The following STAG1 variants were observed in gnomAD, a reference collection of about 807,000 sequenced individuals.
The protein encoded by STAG1 is cohesin subunit SA-1.
Under a neutral mutation model 170.9 loss-of-function variants are expected in STAG1, and 26 were observed. The ratio of observed to expected loss-of-function variants is 0.15; its 90% CI spans 0.11 to 0.21. The LOEUF is 0.21. Among genes scored for constraint, STAG1 ranks in the 10% least tolerant of loss-of-function variants. STAG1 has a pLI of 1.00. For missense variants in STAG1, 964 were observed against 1,509.5 expected (o/e 0.64, Z 5.99); for synonymous variants, 514 against 497.7 (o/e 1.03, Z -0.44).
chr3:136,487,177 T>C (rs2090034961), intron 9 of STAG1, among the ~76,000 whole-genome samples: 1 of 152,086 alleles, frequency 6.6e-6, no homozygotes, highest in Admixed American at 6.6e-5. Context: ...CCCCTCTGTG[T>C]GTCCATGTGT....
intron 16 of STAG1, among the ~76,000 whole-genome samples, chr3:136,429,868 T>A (rs1365845986): frequency 6.6e-6 from 1 of 152,210 alleles, no homozygotes; most frequent in Non-Finnish European, 1.5e-5. Flanking sequence ...ATATATTTTC[T>A]CTTCCTTCTG....
intron 5 of STAG1, among the ~76,000 whole-genome samples, chr3:136,544,599 C>G (rs998743473): frequency 6.6e-6 from 1 of 151,816 alleles, no homozygotes; most frequent in Non-Finnish European, 1.5e-5. Context: ...ATCATCTCTA[C>G]TAAAAATACA....
intron 1 of STAG1, among the ~76,000 whole-genome samples, chr3:136,698,503 A>C (rs968486594): frequency 1.2e-4 from 19 of 152,220 alleles, no homozygotes; most frequent in Admixed American, 1.2e-3. Context: ...CAAACAGAGG[A>C]GCATGGATGT....
At chr3:136,523,786 G>C (rs935176849) in intron 6 of STAG1, among the ~76,000 whole-genome samples, 2 of 152,116 alleles carry the variant, frequency 1.3e-5, no homozygotes, top group African/African-American at 4.8e-5. Flanking sequence ...GTATAAGGAA[G>C]GGATCCAATT....
In STAG1 at chr3:136,338,141, T is replaced by G; in HGVS notation, c.*113A>C. The G allele has an allele frequency of 1.4e-6, 1 of 729,698 alleles. No homozygotes were observed. The highest frequency in any genetic ancestry group is 2.4e-6 in the Non-Finnish European group (1 of 424,556). The allele number at this position is 729,698 out of a possible 1,614,324, so 45.2% of individuals were successfully genotyped here. A position where few individuals can be genotyped will look rare whatever the true frequency, so the allele number is the denominator to read the frequency against. On this transcript the variant is annotated 3_prime_UTR_variant, in exon 34 of 34. Coordinates refer to ENST00000383202, the MANE Select transcript of STAG1 (RefSeq NM_005862.3). ...AAGGGATTGACCTTAATCATTTGAT[T>G]AAAAAACAAATCAGATCACATCAAA...
At chr3:136,472,354 T>C (rs2089648153) in intron 12 of STAG1, 59 bp downstream of exon 12, 4 of 1,279,016 alleles carry the variant, frequency 3.1e-6, no homozygotes, top group African/African-American at 1.5e-5. Context: ...ACATTAAAAA[T>C]CCTGGGGAAA....
In STAG1 at chr3:136,719,687, G is replaced by GTGGATGGATGGA. The variant is rs1217789868; in HGVS notation, c.-84+32496_-84+32507dup. On this transcript the variant is annotated intron_variant, in intron 1 of 33. Coordinates refer to ENST00000383202, the MANE Select transcript of STAG1 (RefSeq NM_005862.3). ...GGTAGGTGGGTGGGTGGGTGGGTGGGTGGATGGATGGATGGATGGATCGAT... is the reference window on the plus strand; with the variant it reads ...GGTAGGTGGGTGGGTGGGTGGGTGGGTGGATGGATGGATGGATGGATGGATGGATGGATCGAT... Among the ~76,000 whole-genome samples, 3 of 124,856 alleles carry GTGGATGGATGGA rather than the reference G, an allele frequency of 2.4e-5. No homozygotes were observed. The South Asian group carries it at 8.7e-4, about 36-fold the overall frequency. 81.9% of individuals were successfully genotyped at this position (124,856 alleles called of 152,430 possible).
chr3:136,445,037 T>A (rs1346250922), intron 14 of STAG1, among the ~76,000 whole-genome samples: 1 of 151,818 alleles, frequency 6.6e-6, no homozygotes, highest in Non-Finnish European at 1.5e-5. Context: ...TTTTTTTTTT[T>A]TTTGTAGAGA....
chr3:136,371,272 T>A (rs1211770214), intron 23 of STAG1, among the ~76,000 whole-genome samples: 1 of 152,168 alleles, frequency 6.6e-6, no homozygotes, highest in Non-Finnish European at 1.5e-5. Context: ...GTCAGATAAG[T>A]AGGTTGCAAA....
intron 14 of STAG1, among the ~76,000 whole-genome samples, chr3:136,450,001 A>T (rs1283859096): frequency 6.7e-6 from 1 of 150,058 alleles, no homozygotes; most frequent in Non-Finnish European, 1.5e-5. Flanking sequence ...GGCTCAAGGG[A>T]TCCTCCCACC....
intron 26 of STAG1, among the ~76,000 whole-genome samples, chr3:136,361,322 A>T (rs763406091): frequency 6.6e-6 from 1 of 152,194 alleles, no homozygotes; most frequent in Non-Finnish European, 1.5e-5. Context: ...TCCCCTGTTG[A>T]TAGACATTTA....
At position 136,425,068 on chromosome 3, in the gene STAG1, G is replaced by A. The variant is rs111868095; in HGVS notation, c.1651-2024C>T. On this transcript the variant is annotated intron_variant, in intron 16 of 33. Coordinates refer to ENST00000383202, the MANE Select transcript of STAG1 (RefSeq NM_005862.3). ...TTGGCCAGGATGATCTCGATCTCCC[G>A]ACCTCGTGATCTGCCCGCCCCGGCC... Among the ~76,000 whole-genome samples, 30 of 151,904 alleles carry A rather than the reference G, an allele frequency of 2.0e-4. 1 individual carries two copies. The highest frequency in any genetic ancestry group is 6.5e-4 in the African/African-American group (27 of 41,416).
intron 31 of STAG1, among the ~76,000 whole-genome samples, 162 bp downstream of exon 31, chr3:136,341,279 A>G (rs938386429): frequency 6.6e-6 from 1 of 152,230 alleles, no homozygotes; most frequent in South Asian, 2.1e-4. Flanking sequence ...TTAAATGCTG[A>G]AAGTGTTAAG....
At chr3:136,751,452 T>C (rs999190560) in intron 1 of STAG1, among the ~76,000 whole-genome samples, 1 of 151,164 alleles carries the variant, frequency 6.6e-6, no homozygotes, top group Non-Finnish European at 1.5e-5. Context: ...GGAAAACAAC[T>C]TTTATTGGCC....
intron 1 of STAG1, among the ~76,000 whole-genome samples, chr3:136,699,035 T>A (rs1942974922): frequency 1.3e-5 from 2 of 152,084 alleles, no homozygotes; most frequent in Non-Finnish European, 2.9e-5. Flanking sequence ...GGCGTAAGAA[T>A]GATATAATGA....
chr3:136,479,277 T>A (rs1346880538), intron 9 of STAG1, among the ~76,000 whole-genome samples: 1 of 124,914 alleles, frequency 8.0e-6, no homozygotes, highest in Non-Finnish European at 1.7e-5. Context: ...CCTTCCTGTG[T>A]CCTTGTGATC....
intron 7 of STAG1, among the ~76,000 whole-genome samples, chr3:136,506,617 G>A (rs1933778449): frequency 7.0e-6 from 1 of 142,174 alleles, no homozygotes; most frequent in African/African-American, 2.6e-5. Context: ...CTGCACTCCA[G>A]CCTGTGAGAC....
chr3:136,385,079 G>A (rs543573212), intron 22 of STAG1, among the ~76,000 whole-genome samples: 3 of 152,186 alleles, frequency 2.0e-5, no homozygotes, highest in East Asian at 1.9e-4. Flanking sequence ...TTATATTGAT[G>A]CTTCCTTTCA....
At chr3:136,374,737 A>G (rs1937517518) in intron 23 of STAG1, among the ~76,000 whole-genome samples, 1 of 152,104 alleles carries the variant, frequency 6.6e-6, no homozygotes. Flanking sequence ...GAATTATAGT[A>G]TGATAAGGTT....
Sources: allele counts gnomAD v4.1 joint callset (sites outside exome capture counted in the v4.1 genomes callset), GRCh38; gene constraint gnomAD v4.1.1; transcripts MANE v1.5; gene names NCBI Gene and HGNC (gene_info 2026-07-23, HGNC 2026-07-21).